KTN1: variants seen among roughly 807,000 people sequenced by gnomAD.
KTN1 encodes the protein kinectin.
In KTN1, 130 loss-of-function variants were observed where a neutral mutation model predicts 222.5. That is an observed-to-expected ratio of 0.58 (90% confidence interval 0.51 to 0.68). KTN1 has a LOEUF of 0.68. Among genes scored for constraint, KTN1 ranks in the 30% least tolerant of loss-of-function variants. The pLI is 0.00. For synonymous variants in KTN1, 512 were observed against 496.3 expected (o/e 1.03, Z -0.42); for missense variants, 1,508 against 1,500.4 (o/e 1.01, Z -0.08).
chr14:55,628,045 G>A lies in KTN1; in HGVS notation c.1080+17G>A. On this transcript the variant is annotated intron_variant, in intron 6 of 43. Coordinates refer to ENST00000395314, the MANE Select transcript of KTN1 (RefSeq NM_001079521.2). Reference sequence around the variant, plus strand: ...TTAACCCAGGTGAAGACATTCTTATGTACGAGGGATATACTTCCCAAATCA... The same window carrying A: ...TTAACCCAGGTGAAGACATTCTTATATACGAGGGATATACTTCCCAAATCA... 2.8e-6 allele frequency: 4 copies of A among 1,444,394 alleles called. No homozygotes were observed. The highest frequency in any genetic ancestry group is 3.9e-6 in the Non-Finnish European group (4 of 1,027,240). 89.5% of individuals were successfully genotyped at this position (1,444,394 alleles called of 1,614,324 possible). A position where few individuals can be genotyped will look rare whatever the true frequency, so the allele number is the denominator to read the frequency against.
intron 3 of KTN1, among the ~76,000 whole-genome samples, chr14:55,617,734 C>T (rs1004580653): frequency 3.0e-4 from 46 of 152,118 alleles, no homozygotes; most frequent in Non-Finnish European, 2.9e-4. Context: ...ATATGCTATA[C>T]ACTTTTAGAT....
In KTN1 at chr14:55,618,002, A is replaced by G. The variant is rs1379344315; in HGVS notation, c.700A>G (p.Ile234Val). The G allele has an allele frequency of 1.9e-6, 3 of 1,609,888 alleles. No individual in the cohort carries two copies. Among genetic ancestry groups the G allele is most frequent in the Non-Finnish European group, 2.5e-6 (3 of 1,178,108 alleles). The change falls in exon 4 of 44, where the codon ATT (isoleucine) becomes GTT (valine). Residue 234 changes from isoleucine (I) to valine (V), a missense_variant. By Grantham distance (29) the Ile-to-Val change is conservative. Coordinates refer to ENST00000395314, the MANE Select transcript of KTN1 (RefSeq NM_001079521.2). ...ACCCCTTATTCATGCAACTACTTAT[A>G]TTCCTTTGATGGATAATGCTGACTC... ...DEPLIHATTY[I>V]PLMDNADSSP...
intron 37 of KTN1, chr14:55,672,423 C>A (rs1307703793): frequency 8.9e-6 from 4 of 451,784 alleles, no homozygotes; most frequent in Non-Finnish European, 7.9e-6. Flanking sequence ...TTTAGCCGAG[C>A]CTAATATACA....
At chr14:55,593,019 C>T (rs1367305258) in intron 1 of KTN1, among the ~76,000 whole-genome samples, 1 of 152,036 alleles carries the variant, frequency 6.6e-6, no homozygotes, top group Non-Finnish European at 1.5e-5. Context: ...TAGGTGAATT[C>T]ATTACTGTCT....
At chr14:55,673,459 C>A in intron 40 of KTN1, 1 of 378,014 alleles carries the variant, frequency 2.6e-6, no homozygotes, top group Non-Finnish European at 4.7e-6. Context: ...TTTCTTAGCT[C>A]CTAACAATGG....
Position 55,633,256 on chromosome 14 carries a change from A to T in KTN1, c.1243A>T (p.Met415Leu), listed in dbSNP as rs560228198. The change falls in exon 8 of 44, where the codon ATG becomes TTG. Residue 415 changes from methionine (M) to leucine (L), a missense_variant. Transcript: ENST00000395314. ...QMKFQQVREQMEAEIAHLKQE... is the reference protein window; with the variant it reads ...QMKFQQVREQLEAEIAHLKQE... ...TTAGTTTCAGCAAGTTCGTGAGCAG[A>T]TGGAGGCAGAGATAGCTCACTTGAA... 7 of 1,588,036 alleles carry T rather than the reference A, an allele frequency of 4.4e-6. No homozygotes were observed. The East Asian group carries it at 1.4e-4, about 32-fold the overall frequency.
rs1380269409 is a variant in KTN1 at position 55,678,399 on chromosome 14, T to C, written c.3903T>C (p.Ala1301=). The C allele has an allele frequency of 1.2e-6, 2 of 1,612,808 alleles. No homozygotes were observed. Among genetic ancestry groups the C allele is most frequent in the Non-Finnish European group, 1.7e-6 (2 of 1,178,942 alleles). ...ELIQSKIVKA[A]GDTTVIENSD... is the part of the protein sequence containing the mutation. ...TCCAGTCAAAAATAGTAAAAGCTGC[T>C]GGAGACACTACTGTTATTGAAAATA... Residue 1301 remains alanine (A), a synonymous_variant, in exon 42 of 44, where the codon GCT becomes GCC. Coordinates refer to ENST00000395314, the MANE Select transcript of KTN1 (RefSeq NM_001079521.2).
chr14:55,589,268 A>C (rs1378785422), intron 1 of KTN1, among the ~76,000 whole-genome samples: 1 of 152,222 alleles, frequency 6.6e-6, no homozygotes, highest in Non-Finnish European at 1.5e-5. Context: ...AAGTCCTGGC[A>C]GCATTCAAAA....
chr14:55,667,239 A>C lies in KTN1; in HGVS notation c.3178-2A>C. On this transcript the variant is annotated splice_acceptor_variant, in intron 33 of 43. Coordinates refer to ENST00000395314, the MANE Select transcript of KTN1 (RefSeq NM_001079521.2). LOFTEE classifies it high-confidence loss of function. ...TTTGATTTGGCTCATCTTCTGCTTT[A>C]GGAAAGGCAGCAACAGGTGGAAGCT... 1 of 1,582,056 alleles carries C rather than the reference A, an allele frequency of 6.3e-7. No homozygotes were observed. Among genetic ancestry groups the C allele is most frequent in the Non-Finnish European group, 8.6e-7 (1 of 1,160,740 alleles).
At chr14:55,596,850 T>A (rs183349866) in intron 1 of KTN1, among the ~76,000 whole-genome samples, 8 of 152,202 alleles carry the variant, frequency 5.3e-5, no homozygotes, top group African/African-American at 1.9e-4. Flanking sequence ...ACTTAAACTT[T>A]GTTAATATAT....
At chr14:55,581,460 A>AGT (rs995384199) in intron 1 of KTN1, among the ~76,000 whole-genome samples, 18 of 149,600 alleles carry the variant, frequency 1.2e-4, no homozygotes, top group Admixed American at 3.3e-4. Context: ...TGTGTGTGTG[A>AGT]GTGTGTGTGT....
chr14:55,600,692 T>TG (rs1483177391), intron 1 of KTN1, among the ~76,000 whole-genome samples: 1 of 152,134 alleles, frequency 6.6e-6, no homozygotes, highest in Non-Finnish European at 1.5e-5. Context: ...CTTCTGTACA[T>TG]GGTGTAGCTG....
intron 1 of KTN1, among the ~76,000 whole-genome samples, chr14:55,592,540 T>G (rs2034328520): frequency 6.6e-6 from 1 of 152,192 alleles, no homozygotes; most frequent in Admixed American, 6.5e-5. Context: ...GACTTGACTA[T>G]GGGAGATTTT....
Position 55,684,214 on chromosome 14 carries a change from C to G in KTN1, c.*111C>G, listed in dbSNP as rs796150064. ...TTTCTACTTTGTCAGAAACACTGAA[C>G]AGAGTTTTGTCTTTTCTAATCCTTG... On this transcript the variant is annotated 3_prime_UTR_variant, in exon 44 of 44. Coordinates refer to ENST00000395314, the MANE Select transcript of KTN1 (RefSeq NM_001079521.2). The G allele has an allele frequency of 2.5e-6, 2 of 809,534 alleles. No homozygotes were observed. The highest frequency in any genetic ancestry group is 1.9e-6 in the Non-Finnish European group (1 of 518,970). 50.1% of individuals were successfully genotyped at this position (809,534 alleles called of 1,614,324 possible).
At chr14:55,619,156 T>C (rs1259981856) in intron 4 of KTN1, 26 bp from the exon 5 acceptor site, 2 of 1,574,228 alleles carry the variant, frequency 1.3e-6, no homozygotes, top group East Asian at 2.2e-5. Context: ...GCCAACTCTT[T>C]GTTTGTTTGT....
At position 55,648,068 on chromosome 14, in the gene KTN1, C is replaced by G. The variant is rs1379798755; in HGVS notation, c.2251C>G (p.Leu751Val). 5 of 1,565,676 alleles carry G rather than the reference C, an allele frequency of 3.2e-6. No individual in the cohort carries two copies. The Admixed American group carries it at 7.7e-5, about 24-fold the overall frequency. The change falls in exon 20 of 44, where the codon CTT (leucine) becomes GTT (valine). Residue 751 changes from leucine (L) to valine (V), a missense_variant. By Grantham distance (32) the Leu-to-Val change is conservative. Transcript: ENST00000395314. ...GAAGTTAAAGACTGTGGAAGAATTACTTGAAACTGGACTTATTCAGGTGGC... is the reference window on the plus strand; with the variant it reads ...GAAGTTAAAGACTGTGGAAGAATTAGTTGAAACTGGACTTATTCAGGTGGC... Reference protein sequence around the residue: ...DEKLKTVEELLETGLIQVATK... With the variant: ...DEKLKTVEELVETGLIQVATK...
intron 24 of KTN1, chr14:55,651,496 G>T (rs542830888): frequency 5.1e-6 from 2 of 391,242 alleles, no homozygotes; most frequent in African/African-American, 4.2e-5. Flanking sequence ...GAGGTGTGTG[G>T]AGAGTTAATA....
At chr14:55,656,226 G>A in intron 29 of KTN1, 94 bp downstream of exon 29, 2 of 799,502 alleles carry the variant, frequency 2.5e-6, no homozygotes, top group South Asian at 3.6e-5. Context: ...ATAGAGTACA[G>A]AATGAGTCTC....
intron 1 of KTN1, among the ~76,000 whole-genome samples, chr14:55,588,345 C>T (rs2033447846): frequency 6.6e-6 from 1 of 152,084 alleles, no homozygotes; most frequent in South Asian, 2.1e-4. Flanking sequence ...AACTGCAGAC[C>T]TCAGTCTAAG....
Sources: allele counts gnomAD v4.1 joint callset (sites outside exome capture counted in the v4.1 genomes callset), GRCh38; gene constraint gnomAD v4.1.1; transcripts MANE v1.5; gene names NCBI Gene and HGNC (gene_info 2026-07-23, HGNC 2026-07-21).